Variants in ZNF610 observed in about 807,000 individuals in gnomAD.
The protein encoded by ZNF610 is zinc finger protein 610.
ZNF610 carries 14 observed loss-of-function variants against 14.1 expected under a neutral mutation model. That is an observed-to-expected ratio of 0.99 (90% CI 0.65 to 1.55). ZNF610 has a LOEUF of 1.55. Among genes scored for constraint, ZNF610 ranks in the 40% most tolerant of loss-of-function variants. The probability of loss-of-function intolerance (pLI) is 0.00; values close to 1 mark genes in which losing one functional copy is unlikely to be tolerated. For synonymous variants in ZNF610, 185 were observed against 187.6 expected, an observed-to-expected ratio of 0.99 and a Z score of 0.11; for missense variants, 530 against 558.0, an observed-to-expected ratio of 0.95 and a Z score of 0.51.
intron 4 of ZNF610, 145 bp downstream of exon 4, chr19:52,353,953 T>G: frequency 8.6e-7 from 1 of 1,158,254 alleles, no homozygotes; most frequent in Non-Finnish European, 1.2e-6. Context: ...TTATGCTCTC[T>G]GGATTTGAAA....
intron 1 of ZNF610, among the ~76,000 whole-genome samples, chr19:52,341,794 T>C (rs2122181261): frequency 6.6e-6 from 1 of 152,016 alleles, no homozygotes; most frequent in East Asian, 1.9e-4. Flanking sequence ...GCCTGGCTAA[T>C]ATTTTTATTT....
chr19:52,360,040 G>C (rs552794616), intron 5 of ZNF610, among the ~76,000 whole-genome samples: 58 of 152,280 alleles, frequency 3.8e-4, no homozygotes, highest in African/African-American at 1.4e-3. Context: ...CCCTCCCTGC[G>C]ACCAGCATCC....
chr19:52,349,907 T>C (rs1302235442), intron 3 of ZNF610, among the ~76,000 whole-genome samples: 1 of 152,130 alleles, frequency 6.6e-6, no homozygotes, highest in Non-Finnish European at 1.5e-5. Flanking sequence ...CCTGGTACAT[T>C]CTGGAAAAGG....
At chr19:52,344,510 A>G (rs1303271056) in intron 1 of ZNF610, among the ~76,000 whole-genome samples, 3 of 152,200 alleles carry the variant, frequency 2.0e-5, no homozygotes, top group Non-Finnish European at 4.4e-5. Context: ...AGTGGAGCTC[A>G]GCCCTAGTCT....
chr19:52,343,559 T>C (rs548625037), intron 1 of ZNF610, among the ~76,000 whole-genome samples: 80 of 59,746 alleles, frequency 1.3e-3, no homozygotes, highest in Admixed American at 0.012. Flanking sequence ...AGAGTGAGAC[T>C]GTCTCAAAAA....
chr19:52,345,955 T>C (rs534818730), intron 1 of ZNF610, among the ~76,000 whole-genome samples: 43 of 149,558 alleles, frequency 2.9e-4, no homozygotes, highest in South Asian at 4.2e-4. Flanking sequence ...CCACCCGCCT[T>C]GACCTCCCAA....
intron 4 of ZNF610, 49 bp downstream of exon 4, chr19:52,353,857 T>A: frequency 5.7e-6 from 9 of 1,566,508 alleles, no homozygotes; most frequent in Non-Finnish European, 6.9e-6. Context: ...AATCTGTCTT[T>A]GCATTTTCTC....
chr19:52,361,082 G>T (rs963693467), intron 5 of ZNF610, among the ~76,000 whole-genome samples: 5 of 151,604 alleles, frequency 3.3e-5, no homozygotes, highest in African/African-American at 1.2e-4. Context: ...TTTGTTACTC[G>T]TCTTAGTGTT....
chr19:52,334,172 T>A (rs193299474), upstream of ZNF610, among the ~76,000 whole-genome samples: 4 of 152,352 alleles, frequency 2.6e-5, no homozygotes, highest in African/African-American at 7.2e-5. Flanking sequence ...TTGAATTTTT[T>A]AAATATAAAT....
chr19:52,349,147 C>T lies in ZNF610; in HGVS notation c.-19-7C>T. 6.2e-7 allele frequency: 1 copy of T among 1,606,394 alleles called. No homozygotes were observed. The highest frequency in any genetic ancestry group is 2.2e-5 in the East Asian group (1 of 44,832). On this transcript the variant is annotated splice_polypyrimidine_tract_variant and splice_region_variant and intron_variant, in intron 2 of 5. Transcript: ENST00000403906. ...CGAGCAGTAATCAGTGTATTTTTGA[C>T]ATTTAGGATTGACTTATAAACAGTC...
intron 1 of ZNF610, among the ~76,000 whole-genome samples, chr19:52,341,598 G>T (rs1432158352): frequency 6.6e-6 from 1 of 151,834 alleles, no homozygotes; most frequent in African/African-American, 2.4e-5. Context: ...ATGAGCCACC[G>T]TGCGTGGCCC....
In ZNF610 at chr19:52,336,274, G is replaced by C. The variant is rs1388600853; in HGVS notation, c.-490G>C. ...CCGGAAGCGGATCGCGTGGGTAGAA[G>C]GTCACACCGCAGCGCGTCAGTTTCC... On this transcript the variant is annotated 5_prime_UTR_variant, in exon 1 of 6. Transcript: ENST00000403906. 1 of 274,264 alleles carries C rather than the reference G, an allele frequency of 3.6e-6. No homozygotes were observed. 17.0% of individuals were successfully genotyped at this position (274,264 alleles called of 1,614,324 possible). A position where few individuals can be genotyped will look rare whatever the true frequency, so the allele number is the denominator to read the frequency against.
intron 1 of ZNF610, among the ~76,000 whole-genome samples, chr19:52,342,345 T>G (rs1284784429): frequency 6.6e-6 from 1 of 152,142 alleles, no homozygotes; most frequent in Non-Finnish European, 1.5e-5. Flanking sequence ...ACCCCTCTTC[T>G]GTGCTCCCAA....
At chr19:52,341,628 ATTAT>A (rs1307269807) in intron 1 of ZNF610, among the ~76,000 whole-genome samples, 2 of 150,538 alleles carry the variant, frequency 1.3e-5, no homozygotes, top group South Asian at 2.1e-4. Flanking sequence ...TTTTTAATTA[ATTAT>A]TTATTTTTTT....
intron 3 of ZNF610, among the ~76,000 whole-genome samples, chr19:52,349,816 G>C (rs1279454482): frequency 6.6e-6 from 1 of 152,066 alleles, no homozygotes; most frequent in Non-Finnish European, 1.5e-5. Flanking sequence ...TGATCCACCT[G>C]CCTCGGCCTC....
intron 5 of ZNF610, among the ~76,000 whole-genome samples, chr19:52,363,081 G>C (rs1160941635): frequency 6.6e-6 from 1 of 151,428 alleles, no homozygotes. Context: ...AGTGAGGGGG[G>C]CTCCAAAGCC....
chr19:52,365,237 C>CAAA lies in ZNF610; in HGVS notation c.320-447_320-445dup, dbSNP rs371290297. ...GGGGCAACAGAGAGAGACTCCGTCTCAAAAAAAAAAAAAAAAGAATTGTGA... is the reference window on the plus strand; with the variant it reads ...GGGGCAACAGAGAGAGACTCCGTCTCAAAAAAAAAAAAAAAAAAAGAATTGTGA... On this transcript the variant is annotated intron_variant, in intron 5 of 5. Coordinates refer to ENST00000403906, the MANE Select transcript of ZNF610 (RefSeq NM_001161425.2). Among the ~76,000 whole-genome samples the CAAA allele has an allele frequency of 3.1e-3, 324 of 104,336 alleles. 2 individuals are homozygous for CAAA. Among genetic ancestry groups the CAAA allele is most frequent in the African/African-American group, 0.011 (314 of 28,676 alleles). 68.4% of individuals were successfully genotyped at this position (104,336 alleles called of 152,430 possible).
At chr19:52,349,573 ATTTT>A (rs909735950) in intron 3 of ZNF610, among the ~76,000 whole-genome samples, 2 of 132,728 alleles carry the variant, frequency 1.5e-5, no homozygotes, top group Middle Eastern at 4.0e-3. Flanking sequence ...GAAGTCACGT[ATTTT>A]TTTTTTTTTT....
chr19:52,341,774 G>A (rs1448628436), intron 1 of ZNF610, among the ~76,000 whole-genome samples: 1 of 151,916 alleles, frequency 6.6e-6, no homozygotes, highest in African/African-American at 2.4e-5. Context: ...CTACAGGCAT[G>A]CACCACTATG....
Sources: gnomAD v4.1 joint callset for allele counts (sites outside exome capture counted in the v4.1 genomes callset) on GRCh38, gnomAD v4.1.1 for gene constraint, MANE v1.5 for transcripts, NCBI Gene and HGNC (gene_info 2026-07-23, HGNC 2026-07-21) for gene names.